Variants in DST observed in about 807,000 individuals in gnomAD.
DST encodes bullous pemphigoid antigen.
DST carries 253 observed loss-of-function variants against 875.2 expected under a neutral mutation model. The observed-to-expected ratio is 0.29, with a 90% CI of 0.26 to 0.32. The LOEUF (loss-of-function observed/expected upper bound fraction) is 0.32. Among genes scored for constraint, DST ranks in the 10% least tolerant of loss-of-function variants. DST has a pLI of 1.00. For missense variants in DST, 8,287 were observed against 9,111.6 expected, an observed-to-expected ratio of 0.91 and a Z score of 3.68; for synonymous variants, 3,124 against 3,197.1, an observed-to-expected ratio of 0.98 and a Z score of 0.77.
intron 3 of DST, 166 bp from the exon 4 acceptor site, chr6:56,851,770 A>G: frequency 6.4e-7 from 1 of 1,551,742 alleles, no homozygotes; most frequent in Non-Finnish European, 8.7e-7. Flanking sequence ...AACCAAAAAA[A>G]TAAAACCCGG....
chr6:56,617,950 T>C, intron 36 of DST: 1 of 1,555,632 alleles, frequency 6.4e-7, no homozygotes, highest in Non-Finnish European at 8.9e-7. Context: ...AACTTGACAT[T>C]AGGTAGCTGA....
chr6:56,639,167 C>T, intron 22 of DST, 92 bp downstream of exon 22: 1 of 1,105,000 alleles, frequency 9.0e-7, no homozygotes, highest in East Asian at 2.5e-5. Context: ...AGTTAGATGG[C>T]TTGTAATTTT....
Position 56,931,320 on chromosome 6 carries a change from C to T in DST, c.216+22465G>A, listed in dbSNP as rs140617122. Among the ~76,000 whole-genome samples the T allele has an allele frequency of 5.3e-5, 8 of 152,230 alleles. No individual in the cohort carries two copies. The East Asian group carries it at 1.4e-3, about 26-fold the overall frequency. On this transcript the variant is annotated intron_variant, in intron 2 of 103. Coordinates refer to ENST00000680361, the MANE Select transcript of DST (RefSeq NM_001374736.1). ...TCAAGAATTTGGGTTTGTGAATCTCCGCCTAGATTTCAGAAGATGTATGGA... is the reference window on the plus strand; with the variant it reads ...TCAAGAATTTGGGTTTGTGAATCTCTGCCTAGATTTCAGAAGATGTATGGA...
intron 80 of DST, among the ~76,000 whole-genome samples, chr6:56,500,084 G>A (rs2096069745): frequency 6.6e-6 from 1 of 152,054 alleles, no homozygotes. Context: ...GGGGAACTAT[G>A]AAAGAAGAAG....
chr6:56,516,138 AG>A (rs1225034825), intron 71 of DST, among the ~76,000 whole-genome samples: 1 of 148,500 alleles, frequency 6.7e-6, no homozygotes, highest in Non-Finnish European at 1.5e-5. Flanking sequence ...AGAGGGAGAG[AG>A]AGAGAGAGAA....
intron 4 of DST, among the ~76,000 whole-genome samples, chr6:56,799,785 C>A (rs2099744620): frequency 6.6e-6 from 1 of 151,940 alleles, no homozygotes; most frequent in Non-Finnish European, 1.5e-5. Context: ...CCATGCCCAG[C>A]TAATTTTTGT....
At chr6:56,760,341 T>A (rs2099614325) in intron 4 of DST, among the ~76,000 whole-genome samples, 3 of 152,224 alleles carry the variant, frequency 2.0e-5, no homozygotes, top group Non-Finnish European at 4.4e-5. Context: ...TTAAAACTTA[T>A]TTAAAATTAG....
chr6:56,807,645 G>C (rs1281677043), intron 4 of DST, among the ~76,000 whole-genome samples: 3 of 152,132 alleles, frequency 2.0e-5, no homozygotes, highest in Non-Finnish European at 4.4e-5. Flanking sequence ...AGAAAGGACA[G>C]TTTTTTCAAC....
rs529172896 is a variant in DST at position 56,683,620 on chromosome 6, G to GC, written c.1048-12814dup. 1.4e-3 allele frequency among the ~76,000 whole-genome samples: 206 copies of GC among 152,298 alleles called. 7 individuals are homozygous for GC. In the South Asian group the frequency reaches 0.042, roughly 31 times the overall value. On this transcript the variant is annotated intron_variant, in intron 9 of 103. Transcript: ENST00000680361. ...TAACTCTCTACTGAATAAATGGAGA[G>GC]CAGGAGACTCAAGAGAGCAGCAACA...
At chr6:56,692,355 T>C (rs1413988295) in intron 9 of DST, 3 of 1,147,620 alleles carry the variant, frequency 2.6e-6, no homozygotes, top group African/African-American at 1.6e-5. Flanking sequence ...GGAACACTTA[T>C]TTACTTGAAC....
At chr6:56,473,159 T>G (rs139359522) in intron 93 of DST, among the ~76,000 whole-genome samples, 3,836 of 152,312 alleles carry the variant, frequency 0.025, 73 homozygotes, top group Non-Finnish European at 0.043. Flanking sequence ...GGGTTATGTT[T>G]CTCAGTTTGG....
rs1272703082 is a variant in DST, at chr6:56,594,067, T to C, written c.12322A>G (p.Met4108Val). 6 of 1,612,830 alleles carry C rather than the reference T, an allele frequency of 3.7e-6. No homozygotes were observed. The highest frequency in any genetic ancestry group is 2.2e-5 in the East Asian group (1 of 44,880). Residue 4108 changes from methionine to valine, a missense_variant, in exon 48 of 104, where the codon ATG (methionine) becomes GTG (valine). By Grantham distance (21) the Met-to-Val change is conservative. Coordinates refer to ENST00000680361, the MANE Select transcript of DST (RefSeq NM_001374736.1). ...PEEKEKLQKN[M>V]KELKVHYETA... ...TCATAATGCACTTTCAGTTCCTTCA[T>C]GTTCTTTTGCAGTTTCTCTTTTTCT...
At chr6:56,924,947 C>T (rs925398962) in intron 2 of DST, among the ~76,000 whole-genome samples, 2 of 152,152 alleles carry the variant, frequency 1.3e-5, no homozygotes, top group Non-Finnish European at 2.9e-5. Context: ...CTTTCCTGTG[C>T]TATGGAAATT....
At chr6:56,670,891 C>A in intron 9 of DST, 84 bp from the exon 10 acceptor site, 1 of 817,396 alleles carries the variant, frequency 1.2e-6, no homozygotes, top group Non-Finnish European at 1.8e-6. Flanking sequence ...AAGCACTTTC[C>A]AAAATCTAAG....
rs1391078807 is a variant in DST at position 56,508,578 on chromosome 6, T to C, written c.19190A>G (p.Asp6397Gly). Residue 6397 changes from aspartate to glycine, a missense_variant, in exon 75 of 104, where the codon GAT becomes GGT. This residue lies in a region of DST where 1,292 missense variants were observed against 1,552.7 expected (regional missense o/e 0.83). Coordinates refer to ENST00000680361, the MANE Select transcript of DST (RefSeq NM_001374736.1). ...DTQDFIRDLE[D>G]PGIDPSVVKQ... is the part of the protein sequence containing the mutation. The stretch of plus-strand genomic sequence containing the variant: ...TACTACTGAAGGATCAATTCCAGGA[T>C]CTTCCAGGTCCCGGATGAAATCTTG... 6.2e-7 allele frequency: 1 copy of C among 1,613,872 alleles called. No individual in the cohort carries two copies. The highest frequency in any genetic ancestry group is 8.5e-7 in the Non-Finnish European group (1 of 1,179,784).
intron 62 of DST, 106 bp from the exon 63 acceptor site, chr6:56,535,398 T>C (rs1451442446): frequency 1.5e-6 from 2 of 1,308,764 alleles, no homozygotes; most frequent in Non-Finnish European, 2.0e-6. Flanking sequence ...GGTCACAAAT[T>C]TTCTTTTACT....
At chr6:56,939,781 T>C (rs948506873) in intron 2 of DST, among the ~76,000 whole-genome samples, 35 of 152,182 alleles carry the variant, frequency 2.3e-4, no homozygotes, top group African/African-American at 7.7e-4. Context: ...TCCCAGCACT[T>C]TGGGAGGCCG....
chr6:56,802,696 T>A (rs2099748618), intron 4 of DST, among the ~76,000 whole-genome samples: 1 of 152,130 alleles, frequency 6.6e-6, no homozygotes, highest in East Asian at 1.9e-4. Context: ...TTTACACACA[T>A]TACACCCATT....
Position 56,627,217 on chromosome 6 carries a change from G to A in DST, c.4709C>T (p.Ser1570Leu). 6.2e-7 allele frequency: 1 copy of A among 1,610,744 alleles called. No homozygotes were observed. Among genetic ancestry groups the A allele is most frequent in the Non-Finnish European group, 8.5e-7 (1 of 1,177,702 alleles). The part of the protein sequence containing the change: ...DECQKYAEQY[S>L]ATVKDYELQT... ...GAATCTTCCTACCTTCACTGTAGCT[G>A]AGTACTGTTCTGCATATTTTTGACA... The change falls in exon 34 of 104, where the codon TCA becomes TTA. Residue 1570 changes from serine (S) to leucine (L), a missense_variant. Coordinates refer to ENST00000680361, the MANE Select transcript of DST (RefSeq NM_001374736.1).
Sources: allele counts gnomAD v4.1 joint callset (sites outside exome capture counted in the v4.1 genomes callset), GRCh38; gene constraint gnomAD v4.1.1; regional missense constraint gnomAD v4.1.1; transcripts MANE v1.5; gene names NCBI Gene and HGNC (gene_info 2026-07-23, HGNC 2026-07-21).